The following KIAA0930 variants were observed in gnomAD, a reference collection of about 807,000 sequenced individuals.
The protein encoded by KIAA0930 is KIAA0930.
In KIAA0930, 24 loss-of-function variants were observed where a neutral mutation model predicts 43.9. That is an observed-to-expected ratio of 0.55 (90% CI 0.40 to 0.77). The LOEUF is 0.77. Among genes scored for constraint, KIAA0930 ranks in the 30% least tolerant of loss-of-function variants. KIAA0930 has a pLI of 0.00. For missense variants in KIAA0930, 461 were observed against 574.2 expected (o/e 0.80, Z 2.02); for synonymous variants, 259 against 216.4 (o/e 1.20, Z -1.73).
chr22:45,197,332 C>T lies in KIAA0930; in HGVS notation c.1175-116G>A, dbSNP rs2083546124. ...CGCCTCAGCCACTCATGCATCTCCT[C>T]TCCAGGCCTCACAGACTGCAGAGGA... On this transcript the variant is annotated intron_variant, in intron 9 of 9. Transcript: ENST00000336156. The T allele has an allele frequency of 1.4e-5, 12 of 860,370 alleles. No individual in the cohort carries two copies. In the South Asian group the frequency reaches 1.9e-4, roughly 14 times the overall value. The allele number at this position is 860,370 out of a possible 1,614,324, so 53.3% of individuals were successfully genotyped here. A position where few individuals can be genotyped will look rare whatever the true frequency, so the allele number is the denominator to read the frequency against.
intron 5 of KIAA0930, among the ~76,000 whole-genome samples, 184 bp downstream of exon 5, chr22:45,205,033 G>A (rs2083623531): frequency 1.3e-5 from 2 of 152,154 alleles, no homozygotes; most frequent in South Asian, 2.1e-4. Flanking sequence ...AGGCTGCGCC[G>A]GGGAAATTCA....
chr22:45,210,983 A>C (rs1053585570), intron 2 of KIAA0930, among the ~76,000 whole-genome samples: 1 of 152,014 alleles, frequency 6.6e-6, no homozygotes, highest in Non-Finnish European at 1.5e-5. Context: ...CTCTCTGGCC[A>C]GTTGTTCATG....
In KIAA0930 at chr22:45,232,169, C is replaced by G. The variant is rs371126935; in HGVS notation, c.64+8471G>C. Among the ~76,000 whole-genome samples, 5 of 152,320 alleles carry G rather than the reference C, an allele frequency of 3.3e-5. No homozygotes were observed. The South Asian group carries it at 6.2e-4, about 19-fold the overall frequency. Reference sequence around the variant, plus strand: ...GTCCCCCTCTGTAAATGGGACAACACCCCTCCTGCCTTCTGCTCAGCACTG... The same window carrying G: ...GTCCCCCTCTGTAAATGGGACAACAGCCCTCCTGCCTTCTGCTCAGCACTG... On this transcript the variant is annotated intron_variant, in intron 1 of 9. Coordinates refer to ENST00000336156, the MANE Select transcript of KIAA0930 (RefSeq NM_001009880.2).
intron 1 of KIAA0930, among the ~76,000 whole-genome samples, chr22:45,228,502 T>C (rs1386503599): frequency 2.0e-5 from 3 of 152,204 alleles, no homozygotes; most frequent in Admixed American, 1.3e-4. Context: ...CAAGCAGTAC[T>C]ACTCTGCAAA....
At chr22:45,215,020 C>A (rs2083722758) in intron 1 of KIAA0930, among the ~76,000 whole-genome samples, 1 of 152,114 alleles carries the variant, frequency 6.6e-6, no homozygotes, top group Admixed American at 6.5e-5. Context: ...GAGTTCAAGA[C>A]CAGCCTGAGC....
rs2083913181 is a variant in KIAA0930, at chr22:45,240,848, C to A, written c.-145G>T. 1 of 2,804 alleles carries A rather than the reference C, an allele frequency of 3.6e-4. No individual in the cohort carries two copies. The highest frequency in any genetic ancestry group is 1.1e-3 in the South Asian group (1 of 904). The allele number at this position is 2,804 out of a possible 1,614,324, so 0.2% of individuals were successfully genotyped here. ...CCTCTGTGCGCGTCGCCGTCGCCGC[C>A]GCCGCCGCCACCACCCGCCAAACAC... On this transcript the variant is annotated 5_prime_UTR_variant, in exon 1 of 10. Coordinates refer to ENST00000336156, the MANE Select transcript of KIAA0930 (RefSeq NM_001009880.2).
chr22:45,233,215 C>T (rs2083865369), intron 1 of KIAA0930, among the ~76,000 whole-genome samples: 1 of 152,116 alleles, frequency 6.6e-6, no homozygotes, highest in Admixed American at 6.5e-5. Context: ...CTCCAGGGCC[C>T]CCCAGGAGGA....
chr22:45,225,643 C>T (rs772609043), intron 1 of KIAA0930, among the ~76,000 whole-genome samples: 2 of 152,170 alleles, frequency 1.3e-5, no homozygotes, highest in African/African-American at 4.8e-5. Context: ...GCGCCCATTC[C>T]AACTTGGCCT....
intron 5 of KIAA0930, among the ~76,000 whole-genome samples, 159 bp downstream of exon 5, chr22:45,205,058 A>C (rs544696862): frequency 6.6e-6 from 1 of 152,156 alleles, no homozygotes; most frequent in Non-Finnish European, 1.5e-5. Context: ...CCCACAAGCA[A>C]ACACTGGGAA....
At chr22:45,204,621 G>C (rs1247996931) in intron 5 of KIAA0930, among the ~76,000 whole-genome samples, 1 of 152,102 alleles carries the variant, frequency 6.6e-6, no homozygotes, top group Non-Finnish European at 1.5e-5. Flanking sequence ...GAGCACCTTG[G>C]ATGCGCACAA....
intron 1 of KIAA0930, among the ~76,000 whole-genome samples, 177 bp downstream of exon 1, chr22:45,240,463 T>G (rs1601831037): frequency 2.0e-5 from 3 of 147,998 alleles, no homozygotes; most frequent in African/African-American, 2.5e-5. Flanking sequence ...CAGACCCAGA[T>G]GCAGGGACGG....
At chr22:45,237,007 C>T (rs1032215893) in intron 1 of KIAA0930, among the ~76,000 whole-genome samples, 24 of 152,216 alleles carry the variant, frequency 1.6e-4, no homozygotes, top group Admixed American at 2.6e-4. Flanking sequence ...GTCGCGTCCA[C>T]GTTACCTGAC....
At chr22:45,223,789 T>A (rs2083782031) in intron 1 of KIAA0930, among the ~76,000 whole-genome samples, 1 of 148,108 alleles carries the variant, frequency 6.8e-6, no homozygotes, top group Non-Finnish European at 1.5e-5. Context: ...GCACCCAGGG[T>A]CAGCACTGAG....
rs2083911729 is a variant in KIAA0930, at chr22:45,240,737, G to T, written c.-34C>A. The T allele has an allele frequency of 1.7e-6, 2 of 1,148,830 alleles. No individual in the cohort carries two copies. The highest frequency in any genetic ancestry group is 2.2e-6 in the Non-Finnish European group (2 of 930,152). 71.2% of individuals were successfully genotyped at this position (1,148,830 alleles called of 1,614,324 possible). A position where few individuals can be genotyped will look rare whatever the true frequency, so the allele number is the denominator to read the frequency against. On this transcript the variant is annotated 5_prime_UTR_variant, in exon 1 of 10. Transcript: ENST00000336156. Reference sequence around the variant, plus strand: ...GCGAGCGCTCCTCGGCCTCGGCGCCGCCCGCAGGCTCGGGGGCGGCGGCGG... The same window carrying T: ...GCGAGCGCTCCTCGGCCTCGGCGCCTCCCGCAGGCTCGGGGGCGGCGGCGG...
intron 8 of KIAA0930, 166 bp from the exon 9 acceptor site, chr22:45,198,114 C>G: frequency 1.6e-6 from 1 of 635,782 alleles, no homozygotes; most frequent in Non-Finnish European, 2.7e-6. Context: ...GCTGCCTCCT[C>G]GCCTGTAACA....
At chr22:45,205,384 A>G (rs1002163985) in intron 4 of KIAA0930, 66 bp from the exon 5 acceptor site, 9 of 1,438,816 alleles carry the variant, frequency 6.3e-6, no homozygotes, top group Non-Finnish European at 8.8e-6. Flanking sequence ...GAGCCAGTCC[A>G]AGCCAGTATA....
At chr22:45,202,362 G>A (rs539422508) in intron 7 of KIAA0930, among the ~76,000 whole-genome samples, 137 of 152,380 alleles carry the variant, frequency 9.0e-4, no homozygotes, top group African/African-American at 2.9e-3. Flanking sequence ...GGCCTAGGCA[G>A]AGCAGGGCCC....
intron 1 of KIAA0930, among the ~76,000 whole-genome samples, chr22:45,237,923 C>G (rs1851410332): frequency 7.3e-6 from 1 of 136,536 alleles, no homozygotes; most frequent in Non-Finnish European, 1.5e-5. Context: ...AAAAATGAGC[C>G]CTTTTTTTTT....
intron 2 of KIAA0930, among the ~76,000 whole-genome samples, chr22:45,208,296 G>C (rs1425650966): frequency 6.6e-6 from 1 of 151,086 alleles, no homozygotes; most frequent in African/African-American, 2.4e-5. Context: ...CAATGTATGA[G>C]CTGTGAGAAC....
Sources: gnomAD v4.1 joint callset for allele counts (sites outside exome capture counted in the v4.1 genomes callset) on GRCh38, gnomAD v4.1.1 for gene constraint, MANE v1.5 for transcripts, NCBI Gene and HGNC (gene_info 2026-07-23, HGNC 2026-07-21) for gene names.